The following DOCK8 variants were observed in gnomAD, a reference collection of about 807,000 sequenced individuals.
DOCK8 encodes the protein dedicator of cytokinesis protein 8.
DOCK8 carries 141 observed loss-of-function variants against 245.6 expected under a neutral mutation model. The observed-to-expected ratio is 0.57, with a 90% CI of 0.50 to 0.66. The LOEUF (loss-of-function observed/expected upper bound fraction) is 0.66. DOCK8 is among the 30% of genes least tolerant of loss of function. The pLI is 0.00. For missense variants in DOCK8, 2,965 were observed against 2,603.4 expected (o/e 1.14, Z -3.02); for synonymous variants, 1,168 against 970.2 (o/e 1.20, Z -3.79).
chr9:299,385 C>T (rs1346994739), intron 4 of DOCK8, among the ~76,000 whole-genome samples: 4 of 152,110 alleles, frequency 2.6e-5, no homozygotes, highest in Admixed American at 2.6e-4. Context: ...TCTCAGGCTC[C>T]CAAGTAGCTG....
intron 1 of DOCK8, among the ~76,000 whole-genome samples, chr9:227,123 G>GTA (rs944738509): frequency 4.0e-4 from 61 of 152,244 alleles, no homozygotes; most frequent in African/African-American, 1.4e-3. Context: ...ATGAGTGTAT[G>GTA]TATGCATGCA....
intron 46 of DOCK8, among the ~76,000 whole-genome samples, chr9:461,764 A>C (rs2057813922): frequency 2.6e-5 from 4 of 151,478 alleles, no homozygotes; most frequent in Admixed American, 2.6e-4. Flanking sequence ...CTAGTCTTTA[A>C]CTTGTGAGCT....
chr9:311,658 G>A (rs2050117304), intron 5 of DOCK8, among the ~76,000 whole-genome samples: 1 of 152,164 alleles, frequency 6.6e-6, no homozygotes, highest in Admixed American at 6.5e-5. Flanking sequence ...GAAAGAACAA[G>A]CCAACAACCG....
rs773355599 is a variant in DOCK8, at chr9:340,153, C to T, written c.1517-6C>T. On this transcript the variant is annotated splice_region_variant and splice_polypyrimidine_tract_variant and intron_variant, in intron 13 of 47. Coordinates refer to ENST00000432829, the MANE Select transcript of DOCK8 (RefSeq NM_203447.4). ...TTACTAGAACATTCCTATTTTCTCT[C>T]TTTAGGCTTGCTAAGACTGGAGATT... The T allele has an allele frequency of 2.1e-5, 34 of 1,613,854 alleles. No homozygotes were observed. The Admixed American group carries it at 3.7e-4, about 17-fold the overall frequency.
chr9:409,427 A>G lies in DOCK8; in HGVS notation c.3530+2358A>G, dbSNP rs140264915. 3.9e-3 allele frequency among the ~76,000 whole-genome samples: 599 copies of G among 152,322 alleles called. 6 individuals are homozygous for G. Among genetic ancestry groups the G allele is most frequent in the Middle Eastern group, 0.024 (7 of 294 alleles). On this transcript the variant is annotated intron_variant, in intron 28 of 47. Coordinates refer to ENST00000432829, the MANE Select transcript of DOCK8 (RefSeq NM_203447.4). Reference sequence around the variant, plus strand: ...GAACAAGAAAAACTTTTGAAATGCAATTTACAATTATCTTACTTTAGCCAC... The same window carrying G: ...GAACAAGAAAAACTTTTGAAATGCAGTTTACAATTATCTTACTTTAGCCAC...
chr9:281,899 G>A (rs1173955453), intron 2 of DOCK8, among the ~76,000 whole-genome samples: 1 of 152,014 alleles, frequency 6.6e-6, no homozygotes, highest in Non-Finnish European at 1.5e-5. Context: ...AAAGAGTAGG[G>A]GAGACGAACT....
intron 14 of DOCK8, among the ~76,000 whole-genome samples, chr9:349,079 G>A (rs1176429784): frequency 6.6e-6 from 1 of 152,224 alleles, no homozygotes; most frequent in Non-Finnish European, 1.5e-5. Context: ...GGCAAAATAT[G>A]AGATGCTGTG....
chr9:434,712 C>G (rs2056836373), intron 38 of DOCK8, 71 bp from the exon 39 acceptor site: 1 of 1,533,030 alleles, frequency 6.5e-7, no homozygotes, highest in African/African-American at 1.4e-5. Context: ...AAGAAAAGGT[C>G]ACACAAAGTA....
intron 44 of DOCK8, among the ~76,000 whole-genome samples, chr9:446,833 A>G (rs2057278506): frequency 6.6e-6 from 1 of 151,888 alleles, no homozygotes; most frequent in African/African-American, 2.4e-5. Flanking sequence ...TTTTAAAGTT[A>G]TATCTTTAGT....
chr9:271,468 G>A (rs1017707322), intron 1 of DOCK8, among the ~76,000 whole-genome samples, 159 bp from the exon 2 acceptor site: 6 of 152,098 alleles, frequency 3.9e-5, no homozygotes, highest in South Asian at 2.1e-4. Flanking sequence ...CAAAAACTAC[G>A]ATGTCCACTA....
At chr9:419,327 A>T (rs1586977143) in intron 30 of DOCK8, among the ~76,000 whole-genome samples, 1 of 152,192 alleles carries the variant, frequency 6.6e-6, no homozygotes, top group East Asian at 1.9e-4. Context: ...GAGAAAAGAC[A>T]TTTGAGATTT....
intron 23 of DOCK8, among the ~76,000 whole-genome samples, chr9:389,106 G>A (rs566968668): frequency 2.0e-5 from 3 of 152,288 alleles, no homozygotes; most frequent in East Asian, 1.9e-4. Context: ...ATTAATTAGG[G>A]TGACCAACTG....
intron 29 of DOCK8, 42 bp downstream of exon 29, chr9:414,993 C>T (rs372547060): frequency 3.0e-5 from 49 of 1,609,872 alleles, no homozygotes; most frequent in Admixed American, 1.3e-4. Context: ...GTTGGGGGCC[C>T]CTGCCAAATG....
chr9:247,270 A>G (rs79682659), intron 1 of DOCK8, among the ~76,000 whole-genome samples: 2,660 of 152,288 alleles, frequency 0.017, 44 homozygotes, highest in South Asian at 0.048. Flanking sequence ...TAATTGCTTT[A>G]AAGTCAATTG....
Position 441,284 on chromosome 9 carries a change from A to G in DOCK8, c.5224-2A>G, listed in dbSNP as rs2057086376. On this transcript the variant is annotated splice_acceptor_variant, in intron 40 of 47. Coordinates refer to ENST00000432829, the MANE Select transcript of DOCK8 (RefSeq NM_203447.4). LOFTEE classifies it high-confidence loss of function. ...CTCTGATGCTCTTCTCCTCTTTCCA[A>G]GGGAGGCTTATATGAGACAGTTAAT... is the stretch of plus-strand genomic sequence containing the variant. 6.2e-7 allele frequency: 1 copy of G among 1,614,138 alleles called. No homozygotes were observed. Among genetic ancestry groups the G allele is most frequent in the African/African-American group, 1.3e-5 (1 of 75,038 alleles).
chr9:463,680 C>A lies in DOCK8; in HGVS notation c.6232C>A (p.Gln2078Lys). The change falls in exon 47 of 48, where the codon CAA becomes AAA. Residue 2078 changes from glutamine (Q) to lysine (K), a missense_variant. Gln to Lys is a moderately conservative substitution (Grantham distance 53, BLOSUM62 1). Coordinates refer to ENST00000432829, the MANE Select transcript of DOCK8 (RefSeq NM_203447.4). ...CAAGCCAATATTCAGAGTTGAGAGT[C>A]AAAAGAGGTAAGAACAGGGCAGAGG... is the stretch of plus-strand genomic sequence containing the variant. ...LYKPIFRVES[Q>K]KRDSFHRSSF... 6.2e-7 allele frequency: 1 copy of A among 1,613,728 alleles called. No homozygotes were observed. Among genetic ancestry groups the A allele is most frequent in the South Asian group, 1.1e-5 (1 of 91,048 alleles).
At chr9:282,579 C>A (rs1163891062) in intron 2 of DOCK8, among the ~76,000 whole-genome samples, 2 of 149,054 alleles carry the variant, frequency 1.3e-5, no homozygotes, top group African/African-American at 4.9e-5. Context: ...CCACCACACC[C>A]ATCTAACTTT....
In DOCK8 at chr9:307,329, G is replaced by GT. The variant is rs1210792510; in HGVS notation, c.528+2633dup. 1.7e-4 allele frequency among the ~76,000 whole-genome samples: 13 copies of GT among 75,138 alleles called. 2 individuals are homozygous for GT. Among genetic ancestry groups the GT allele is most frequent in the East Asian group, 1.5e-3 (3 of 1,964 alleles). The allele number at this position is 75,138 out of a possible 152,430, so 49.3% of individuals were successfully genotyped here. On this transcript the variant is annotated intron_variant, in intron 5 of 47. Transcript: ENST00000432829. ...AACTCAAGTCACTGTGTTGTGTGTG[G>GT]TTTTTTTTGTTTTTTTTTTTTTTTT... is the stretch of plus-strand genomic sequence containing the variant.
At chr9:253,658 C>T (rs2047702329) in intron 1 of DOCK8, among the ~76,000 whole-genome samples, 1 of 152,184 alleles carries the variant, frequency 6.6e-6, no homozygotes, top group Non-Finnish European at 1.5e-5. Flanking sequence ...GTGGGGAATA[C>T]CTTGCCCTTG....
Sources: allele counts gnomAD v4.1 joint callset (sites outside exome capture counted in the v4.1 genomes callset), GRCh38; gene constraint gnomAD v4.1.1; transcripts MANE v1.5; gene names NCBI Gene and HGNC (gene_info 2026-07-23, HGNC 2026-07-21).